Variants in CHAF1A observed in about 807,000 individuals in gnomAD.
CHAF1A encodes the protein chromatin assembly factor 1 subunit A, also known as CAF-1 subunit A.
In CHAF1A, 5 loss-of-function variants were observed where a neutral mutation model predicts 93.2. The ratio of observed to expected loss-of-function variants is 0.05; its 90% confidence interval spans 0.03 to 0.11. The LOEUF is 0.11. Ranked by LOEUF, CHAF1A falls within the 10% of genes least tolerant of loss-of-function variation. CHAF1A has a pLI of 1.00. For synonymous variants in CHAF1A, 504 were observed against 510.3 expected (o/e 0.99, Z 0.17); for missense variants, 1,102 against 1,259.9 (o/e 0.87, Z 1.90).
chr19:4,419,606 T>C lies in CHAF1A; in HGVS notation c.1017+1530T>C, dbSNP rs540881801. Among the ~76,000 whole-genome samples, 14 of 152,172 alleles carry C rather than the reference T, an allele frequency of 9.2e-5. No individual in the cohort carries two copies. In the East Asian group the frequency reaches 2.7e-3, roughly 29 times the overall value. The stretch of plus-strand genomic sequence containing the variant: ...CACCACGCCTGGATAATTTTTTGTA[T>C]TTTTAGTAGAGACAGGGTTTCGCTA... On this transcript the variant is annotated intron_variant, in intron 4 of 14. Transcript: ENST00000301280.
At position 4,409,938 on chromosome 19, in the gene CHAF1A, G is replaced by A. The variant is rs954775196; in HGVS notation, c.960+179G>A. Among the ~76,000 whole-genome samples, 6 of 152,290 alleles carry A rather than the reference G, an allele frequency of 3.9e-5. No individual in the cohort carries two copies. The South Asian group carries it at 6.2e-4, about 16-fold the overall frequency. ...ACTCACAGTGTTCAGTTCTGCATTC[G>A]TTGTGATGCCCCTGGGACTTAATTC... On this transcript the variant is annotated intron_variant, in intron 3 of 14. Coordinates refer to ENST00000301280, the MANE Select transcript of CHAF1A (RefSeq NM_005483.3).
At chr19:4,439,620 G>A (rs1451119388) in intron 13 of CHAF1A, among the ~76,000 whole-genome samples, 1 of 152,228 alleles carries the variant, frequency 6.6e-6, no homozygotes, top group Non-Finnish European at 1.5e-5. Flanking sequence ...AGGTGGCTCT[G>A]AAGAAATTGG....
At chr19:4,446,425 G>A, downstream of CHAF1A, 10 of 1,577,684 alleles carry the variant, frequency 6.3e-6, no homozygotes, top group Non-Finnish European at 7.7e-6. Context: ...TGCACACGCG[G>A]GCCAGGTCAC....
chr19:4,413,068 CTT>C (rs147587843), intron 3 of CHAF1A, among the ~76,000 whole-genome samples: 1 of 151,952 alleles, frequency 6.6e-6, no homozygotes, highest in African/African-American at 2.4e-5. Flanking sequence ...GTACCTAACT[CTT>C]TTTTATTTTT....
chr19:4,409,395 C>T lies in CHAF1A; in HGVS notation c.596C>T (p.Ser199Phe). The stretch of plus-strand genomic sequence containing the variant: ...GGAGGTGCAGGGAGGAGAGGCGACT[C>T]CCAGGAATGTTCGCCACGGAGCTGC... The part of the protein sequence containing the change: ...GCGGAGRRGD[S>F]QECSPRSCPE... The change falls in exon 3 of 15, where the codon TCC (serine) becomes TTC (phenylalanine). Residue 199 changes from serine to phenylalanine, a missense_variant. Physicochemically the swap from Ser to Phe is radical, Grantham distance 155 (BLOSUM62 -2). Coordinates refer to ENST00000301280, the MANE Select transcript of CHAF1A (RefSeq NM_005483.3). 1 of 1,614,100 alleles carries T rather than the reference C, an allele frequency of 6.2e-7. No individual in the cohort carries two copies. Among genetic ancestry groups the T allele is most frequent in the Non-Finnish European group, 8.5e-7 (1 of 1,180,024 alleles).
chr19:4,421,465 A>G (rs1021041278), intron 4 of CHAF1A, among the ~76,000 whole-genome samples: 2 of 152,186 alleles, frequency 1.3e-5, no homozygotes, highest in African/African-American at 4.8e-5. Context: ...GATGGAAGGA[A>G]GCATAATGGA....
At chr19:4,428,973 G>T in intron 8 of CHAF1A, 83 bp downstream of exon 8, 1 of 1,139,322 alleles carries the variant, frequency 8.8e-7, no homozygotes, top group Non-Finnish European at 1.3e-6. Context: ...CGGGGTGGGA[G>T]CTCTGGGTCC....
chr19:4,429,778 A>T lies in CHAF1A; in HGVS notation c.1844A>T (p.His615Leu), dbSNP rs777146834. 3.1e-6 allele frequency: 5 copies of T among 1,613,260 alleles called. No individual in the cohort carries two copies. ...EEEEPGESLSHSEGDDDDDMG... is the reference protein window; with the variant it reads ...EEEEPGESLSLSEGDDDDDMG... ...GAGGAGCCTGGGGAGTCCCTGTCCC[A>T]CAGTGAGGGGGTAAGGATGTGCCCC... Residue 615 changes from histidine to leucine, a missense_variant, in exon 10 of 15, where the codon CAC (histidine) becomes CTC (leucine). This residue lies in a region of CHAF1A where 335 missense variants were observed against 361.9 expected (regional missense o/e 0.93). Transcript: ENST00000301280.
intron 12 of CHAF1A, among the ~76,000 whole-genome samples, chr19:4,432,827 G>C (rs1042618501): frequency 6.6e-6 from 1 of 151,832 alleles, no homozygotes; most frequent in African/African-American, 2.4e-5. Flanking sequence ...GCAGTCATTT[G>C]GGTAGGAACA....
Position 4,422,524 on chromosome 19 carries a change from T to G in CHAF1A, c.1018-42T>G. On this transcript the variant is annotated intron_variant, in intron 4 of 14. Transcript: ENST00000301280. The surrounding 1 kb of genome is among the most constrained non-coding windows in gnomAD (Gnocchi z 4.6). Reference sequence around the variant, plus strand: ...TGTGAACCGAGCTTCCTCCTGGGAGTTGGAGGGAGGGCCACCTGTCACTTG... The same window carrying G: ...TGTGAACCGAGCTTCCTCCTGGGAGGTGGAGGGAGGGCCACCTGTCACTTG... 3 of 1,523,558 alleles carry G rather than the reference T, an allele frequency of 2.0e-6. No homozygotes were observed. The highest frequency in any genetic ancestry group is 2.7e-6 in the Non-Finnish European group (3 of 1,122,644). 94.4% of individuals were successfully genotyped at this position (1,523,558 alleles called of 1,614,324 possible).
chr19:4,448,094 T>C, downstream of CHAF1A: 2 of 585,708 alleles, frequency 3.4e-6, no homozygotes, highest in South Asian at 2.0e-5. Context: ...GGGAAACCCC[T>C]GATTCCTTCA....
chr19:4,443,141 G>A lies in CHAF1A; in HGVS notation c.*116G>A. ...GTCCTGCTTCACGGACCTCCCCAAA[G>A]TGTGCAGAGTTCTATATAGGATGCT... On this transcript the variant is annotated 3_prime_UTR_variant, in exon 15 of 15. Coordinates refer to ENST00000301280, the MANE Select transcript of CHAF1A (RefSeq NM_005483.3). The A allele has an allele frequency of 1.3e-6, 1 of 743,102 alleles. No homozygotes were observed. The highest frequency in any genetic ancestry group is 2.4e-6 in the Non-Finnish European group (1 of 411,004). 46.0% of individuals were successfully genotyped at this position (743,102 alleles called of 1,614,324 possible). A position where few individuals can be genotyped will look rare whatever the true frequency, so the allele number is the denominator to read the frequency against.
At chr19:4,413,802 A>G (rs1169461602) in intron 3 of CHAF1A, among the ~76,000 whole-genome samples, 1 of 152,186 alleles carries the variant, frequency 6.6e-6, no homozygotes, top group Admixed American at 6.5e-5. Flanking sequence ...GATCTGGAGA[A>G]TCTCACTTTG....
At chr19:4,445,417 TG>T (rs1324762327), downstream of CHAF1A, 5 of 1,587,194 alleles carry the variant, frequency 3.2e-6, no homozygotes, top group Non-Finnish European at 4.3e-6. Context: ...AGAGGTGGCT[TG>T]GAGGCCCTGG....
At chr19:4,410,973 T>A (rs1223128706) in intron 3 of CHAF1A, among the ~76,000 whole-genome samples, 1 of 152,204 alleles carries the variant, frequency 6.6e-6, no homozygotes, top group Non-Finnish European at 1.5e-5. Context: ...CAGTCACGAG[T>A]CCCACGGTGT....
chr19:4,429,118 T>C (rs1027069099), intron 8 of CHAF1A: 5 of 592,824 alleles, frequency 8.4e-6, no homozygotes, highest in Admixed American at 3.0e-5. Context: ...AGGAATCTTA[T>C]TTCCCTGCTG....
intron 11 of CHAF1A, among the ~76,000 whole-genome samples, chr19:4,431,553 A>G (rs1974182910): frequency 6.6e-6 from 1 of 151,836 alleles, no homozygotes. Flanking sequence ...CCTTGTGCAT[A>G]TCTGACCACC....
In CHAF1A at chr19:4,412,893, C is replaced by T. The variant is rs537021059; in HGVS notation, c.960+3134C>T. ...CACCCGCAGAGGGCCTGTCAGTCAC[C>T]GAAGCTATGAGGGAAGCGATTATCG... is the stretch of plus-strand genomic sequence containing the variant. On this transcript the variant is annotated intron_variant, in intron 3 of 14. Coordinates refer to ENST00000301280, the MANE Select transcript of CHAF1A (RefSeq NM_005483.3). 8.5e-5 allele frequency among the ~76,000 whole-genome samples: 13 copies of T among 152,302 alleles called. No individual in the cohort carries two copies. In the East Asian group the frequency reaches 1.2e-3, roughly 14 times the overall value.
chr19:4,430,637 C>T lies in CHAF1A; in HGVS notation c.1943C>T (p.Thr648Ile). 6.2e-7 allele frequency: 1 copy of T among 1,613,156 alleles called. No individual in the cohort carries two copies. Among genetic ancestry groups the T allele is most frequent in the Non-Finnish European group, 8.5e-7 (1 of 1,179,826 alleles). The change falls in exon 11 of 15, where the codon ACA (threonine) becomes ATA (isoleucine). Residue 648 changes from threonine to isoleucine, a missense_variant. Physicochemically the swap from Thr to Ile is moderately conservative, Grantham distance 89. Transcript: ENST00000301280. ...TACCTGTCTGAGGACGAAGGTGTGA[C>T]AGAGGTGAGGGAGTGAAGGGGGAGG... ...HGYLSEDEGV[T>I]EECADPENHK...
Sources: gnomAD v4.1 joint callset for allele counts (sites outside exome capture counted in the v4.1 genomes callset) on GRCh38, gnomAD v4.1.1 for gene constraint, gnomAD v4.1.1 regional missense constraint, Gnocchi (gnomAD v3.1) non-coding constraint, MANE v1.5 for transcripts, NCBI Gene and HGNC (gene_info 2026-07-23, HGNC 2026-07-21) for gene names.